The following PTAFR variants were observed in gnomAD, a reference collection of about 807,000 sequenced individuals.
PTAFR encodes the protein platelet activating factor receptor.
A neutral mutation model predicts 14.7 loss-of-function variants in PTAFR; 8 were observed. That is an observed-to-expected ratio of 0.54 (90% CI 0.32 to 0.98). The LOEUF is 0.98. PTAFR is among the 50% of genes least tolerant of loss of function. The pLI, the probability that PTAFR is intolerant of heterozygous loss-of-function variation, is 0.04. For synonymous variants in PTAFR, 156 were observed against 176.5 expected (o/e 0.88, Z 0.92); for missense variants, 337 against 451.2 (o/e 0.75, Z 2.29).
intron 1 of PTAFR, among the ~76,000 whole-genome samples, chr1:28,175,303 G>A (rs1646500811): frequency 6.6e-6 from 1 of 152,202 alleles, no homozygotes; most frequent in African/African-American, 2.4e-5. Flanking sequence ...CAGGAGCTGA[G>A]ATCGAAACCC....
At chr1:28,187,721 G>A (rs78546156) in intron 1 of PTAFR, among the ~76,000 whole-genome samples, 9,116 of 152,172 alleles carry the variant, frequency 0.06, 303 homozygotes, top group Middle Eastern at 0.092. Context: ...GGCCTCAAGC[G>A]ATCTGTCCAC....
At position 28,148,522 on chromosome 1, in the gene PTAFR, G is replaced by A. The variant is rs140950553; in HGVS notation, c.*1471C>T. 230 of 153,318 alleles carry A rather than the reference G, an allele frequency of 1.5e-3. No individual in the cohort carries two copies. The highest frequency in any genetic ancestry group is 5.2e-3 in the African/African-American group (218 of 41,540). The allele number at this position is 153,318 out of a possible 1,614,324, so 9.5% of individuals were successfully genotyped here. On this transcript the variant is annotated 3_prime_UTR_variant, in exon 2 of 2. Transcript: ENST00000373857. The stretch of plus-strand genomic sequence containing the variant: ...TTTTGACACAGAGTCTCACTCTGTC[G>A]CCCAGGCTGGAGAGCAGTGGCGTGA...
At chr1:28,167,633 ATTTTTTT>A (rs780344665) in intron 1 of PTAFR, among the ~76,000 whole-genome samples, 129 of 80,226 alleles carry the variant, frequency 1.6e-3, no homozygotes, top group Middle Eastern at 0.022. Context: ...TGAAAACGGG[ATTTTTTT>A]TTTTTTTTTT....
At chr1:28,175,718 C>T (rs750134745) in intron 1 of PTAFR, among the ~76,000 whole-genome samples, 15 of 152,034 alleles carry the variant, frequency 9.9e-5, no homozygotes, top group Non-Finnish European at 1.8e-4. Context: ...ATTTTCAGCA[C>T]CCCCTTCCCC....
intron 1 of PTAFR, among the ~76,000 whole-genome samples, chr1:28,191,860 G>A (rs1479632201): frequency 1.3e-5 from 2 of 151,744 alleles, no homozygotes; most frequent in African/African-American, 4.8e-5. Flanking sequence ...GAGTTCAGGA[G>A]TTCAAAACCA....
chr1:28,192,718 C>T (rs947034521), intron 1 of PTAFR, among the ~76,000 whole-genome samples: 20 of 151,772 alleles, frequency 1.3e-4, no homozygotes, highest in African/African-American at 4.6e-4. Context: ...GGGATCTCAG[C>T]TCACCGTAAC....
rs1646177021 is a variant in PTAFR, at chr1:28,150,823, A to G, written c.199T>C (p.Leu67=). 6.2e-7 allele frequency: 1 copy of G among 1,614,066 alleles called. No individual in the cohort carries two copies. Among genetic ancestry groups the G allele is most frequent in the African/African-American group, 1.3e-5 (1 of 74,938 alleles). Residue 67 remains leucine (L), a synonymous_variant, in exon 2 of 2, where the codon TTG becomes CTG. Coordinates refer to ENST00000373857, the MANE Select transcript of PTAFR (RefSeq NM_000952.5). The surrounding 1 kb of genome is among the most constrained non-coding windows in gnomAD (Gnocchi z 6.3). Reference sequence around the variant, plus strand: ...ACAATCCAAAGTGGCAGGGTGATCAAGAAGAGCATGTCCGCCATGGTGAGG... The same window carrying G: ...ACAATCCAAAGTGGCAGGGTGATCAGGAAGAGCATGTCCGCCATGGTGAGG... ...VNLTMADMLF[L]ITLPLWIVYY... is the part of the protein sequence containing the mutation.
At chr1:28,169,756 T>C (rs906964162) in intron 1 of PTAFR, among the ~76,000 whole-genome samples, 49 of 152,256 alleles carry the variant, frequency 3.2e-4, no homozygotes, top group African/African-American at 1.1e-3. Flanking sequence ...TCCCAGCACT[T>C]TGGGAGGCCA....
At chr1:28,190,861 G>C (rs1646646510) in intron 1 of PTAFR, among the ~76,000 whole-genome samples, 4 of 152,016 alleles carry the variant, frequency 2.6e-5, no homozygotes, top group Non-Finnish European at 4.4e-5. Context: ...TCAAACTTAG[G>C]GAGTTTCAAT....
upstream of PTAFR, among the ~76,000 whole-genome samples, chr1:28,177,937 A>G (rs901708248): frequency 1.3e-5 from 2 of 152,076 alleles, no homozygotes; most frequent in African/African-American, 4.8e-5. Context: ...CTCAGTTTCC[A>G]GTCCATTTAC....
At chr1:28,183,216 G>T (rs1329799178) in intron 1 of PTAFR, among the ~76,000 whole-genome samples, 3 of 152,130 alleles carry the variant, frequency 2.0e-5, no homozygotes, top group African/African-American at 7.2e-5. Flanking sequence ...GGAGACGGAA[G>T]TGAAAAGTAT....
chr1:28,176,444 C>CAAAAAAAAAAAAAAAAAAA (rs532299068), intron 1 of PTAFR, 148 bp downstream of exon 1: 1 of 71,150 alleles, frequency 1.4e-5, no homozygotes, highest in African/African-American at 5.7e-5. Context: ...GACCCTGTCT[C>CAAAAAAAAAAAAAAAAAAA]AAAAAAAAAA....
chr1:28,149,352 T>C lies in PTAFR; in HGVS notation c.*641A>G, dbSNP rs1280348340. ...TTTTTTTTTTTTTTTTTTTTTTTTTTGAGATGGAATCTCGCTCTGTTGCCA... is the reference window on the plus strand; with the variant it reads ...TTTTTTTTTTTTTTTTTTTTTTTTTCGAGATGGAATCTCGCTCTGTTGCCA... On this transcript the variant is annotated 3_prime_UTR_variant, in exon 2 of 2. Coordinates refer to ENST00000373857, the MANE Select transcript of PTAFR (RefSeq NM_000952.5). 13 of 126,888 alleles carry C rather than the reference T, an allele frequency of 1.0e-4. No individual in the cohort carries two copies. The highest frequency in any genetic ancestry group is 4.3e-4 in the African/African-American group (13 of 29,976). 7.9% of individuals were successfully genotyped at this position (126,888 alleles called of 1,614,324 possible).
At chr1:28,169,355 T>C (rs1346560933) in intron 1 of PTAFR, among the ~76,000 whole-genome samples, 1 of 152,218 alleles carries the variant, frequency 6.6e-6, no homozygotes, top group Non-Finnish European at 1.5e-5. Flanking sequence ...ACATTGTGTA[T>C]TTTTAAGTTA....
At chr1:28,176,902 A>G, upstream of PTAFR, 1 of 153,082 alleles carries the variant, frequency 6.5e-6, no homozygotes, top group Non-Finnish European at 1.5e-5. Context: ...AAGAGAGAGA[A>G]AGCAAGTGCA....
intron 1 of PTAFR, among the ~76,000 whole-genome samples, chr1:28,184,014 C>T (rs1387331446): frequency 6.6e-6 from 1 of 151,940 alleles, no homozygotes; most frequent in African/African-American, 2.4e-5. Flanking sequence ...CAAGTCCCTC[C>T]ACCTCCCCGC....
chr1:28,162,921 C>G (rs1646342044), intron 1 of PTAFR, among the ~76,000 whole-genome samples: 1 of 151,948 alleles, frequency 6.6e-6, no homozygotes, highest in Non-Finnish European at 1.5e-5. Context: ...TGTTGTACCC[C>G]AACAACTGCC....
At chr1:28,171,752 T>C (rs538532853) in intron 1 of PTAFR, among the ~76,000 whole-genome samples, 19 of 152,214 alleles carry the variant, frequency 1.2e-4, no homozygotes, top group East Asian at 3.9e-4. Context: ...TTCCTTCTCA[T>C]TGGGGACCTC....
At chr1:28,160,534 A>T (rs976831587) in intron 1 of PTAFR, among the ~76,000 whole-genome samples, 1 of 151,628 alleles carries the variant, frequency 6.6e-6, no homozygotes, top group Non-Finnish European at 1.5e-5. Context: ...TCATCTCTAC[A>T]CCCATCCCCA....
Sources: gnomAD v4.1 joint callset for allele counts (sites outside exome capture counted in the v4.1 genomes callset) on GRCh38, gnomAD v4.1.1 for gene constraint, Gnocchi (gnomAD v3.1) non-coding constraint, MANE v1.5 for transcripts, NCBI Gene and HGNC (gene_info 2026-07-23, HGNC 2026-07-21) for gene names.